NALF1: variants seen among roughly 807,000 people sequenced by gnomAD.
The protein encoded by NALF1 is NALCN channel auxiliary factor 1, also known as family with sequence similarity 155 member A.
NALF1 carries 3 observed loss-of-function variants against 48.4 expected under a neutral mutation model. The observed-to-expected ratio is 0.06, with a 90% CI of 0.03 to 0.16. The LOEUF is 0.16. Ranked by LOEUF, NALF1 falls within the 10% of genes least tolerant of loss-of-function variation. The probability of loss-of-function intolerance (pLI) is 1.00; values close to 1 mark genes in which losing one functional copy is unlikely to be tolerated. For synonymous variants in NALF1, 262 were observed against 245.7 expected, an observed-to-expected ratio of 1.07 and a Z score of -0.62; for missense variants, 526 against 571.5, an observed-to-expected ratio of 0.92 and a Z score of 0.81.
At chr13:107,816,029 A>T (rs1425415474) in intron 1 of NALF1, among the ~76,000 whole-genome samples, 1 of 152,162 alleles carries the variant, frequency 6.6e-6, no homozygotes, top group African/African-American at 2.4e-5. Context: ...TTTCTTACGG[A>T]CAGAGAAAAA....
intron 1 of NALF1, among the ~76,000 whole-genome samples, chr13:107,492,036 T>TTG (rs1566364242): frequency 8.9e-6 from 1 of 111,732 alleles, no homozygotes; most frequent in East Asian, 2.6e-4. Context: ...GTCTGGGTTT[T>TTG]TTTTTGTTTT....
At chr13:107,560,171 T>A (rs961677561) in intron 1 of NALF1, among the ~76,000 whole-genome samples, 8 of 152,116 alleles carry the variant, frequency 5.3e-5, no homozygotes, top group African/African-American at 1.9e-4. Flanking sequence ...CAAACAGAGA[T>A]AATCGAATTC....
rs138542415 is a variant in NALF1 at position 107,383,083 on chromosome 13, T to C, written c.916-172328A>G. On this transcript the variant is annotated intron_variant, in intron 1 of 2. Transcript: ENST00000375915. ...GGGTTTAAATACTGCAAGTTAGTAG[T>C]TGGGTACAGTTTGAATATTTTATGA... Among the ~76,000 whole-genome samples, 579 of 152,290 alleles carry C rather than the reference T, an allele frequency of 3.8e-3. 3 individuals are homozygous for C. Among genetic ancestry groups the C allele is most frequent in the African/African-American group, 0.013 (556 of 41,560 alleles).
chr13:107,387,574 A>AC (rs750001539), intron 1 of NALF1, among the ~76,000 whole-genome samples: 1 of 151,800 alleles, frequency 6.6e-6, no homozygotes, highest in Non-Finnish European at 1.5e-5. Context: ...ACAAAAATGA[A>AC]CCCCCACCTC....
intron 1 of NALF1, among the ~76,000 whole-genome samples, chr13:107,701,713 TTAAG>T (rs1881825597): frequency 6.6e-6 from 1 of 152,176 alleles, no homozygotes; most frequent in Admixed American, 6.5e-5. Flanking sequence ...GGTGTTTTTG[TTAAG>T]TAAGTAGATT....
intron 1 of NALF1, among the ~76,000 whole-genome samples, chr13:107,855,037 G>C (rs1358888411): frequency 6.6e-6 from 1 of 152,176 alleles, no homozygotes; most frequent in Non-Finnish European, 1.5e-5. Context: ...TAGAGAGCAG[G>C]CACAGTGGAG....
At chr13:107,647,549 A>T (rs138838934) in intron 1 of NALF1, among the ~76,000 whole-genome samples, 20 of 152,112 alleles carry the variant, frequency 1.3e-4, no homozygotes, top group Admixed American at 1.1e-3. Context: ...TAACAATCCC[A>T]TGAAACCTTA....
At chr13:107,514,387 G>A (rs1251415476) in intron 1 of NALF1, among the ~76,000 whole-genome samples, 2 of 151,988 alleles carry the variant, frequency 1.3e-5, no homozygotes, top group Non-Finnish European at 2.9e-5. Flanking sequence ...GTGTTTGGGT[G>A]GTTATTGGGC....
At chr13:107,755,926 T>C (rs1460022406) in intron 1 of NALF1, among the ~76,000 whole-genome samples, 1 of 152,172 alleles carries the variant, frequency 6.6e-6, no homozygotes, top group Non-Finnish European at 1.5e-5. Flanking sequence ...TTTAGATTTC[T>C]ACATGAAAGA....
At chr13:107,678,712 C>T (rs1881197239) in intron 1 of NALF1, among the ~76,000 whole-genome samples, 2 of 152,172 alleles carry the variant, frequency 1.3e-5, no homozygotes, top group African/African-American at 4.8e-5. Flanking sequence ...GGAAACAAGG[C>T]AACGTCTTCA....
chr13:107,304,597 G>T (rs1171918507), intron 1 of NALF1, among the ~76,000 whole-genome samples: 2 of 152,162 alleles, frequency 1.3e-5, no homozygotes, highest in East Asian at 3.9e-4. Context: ...ACCAGAAATT[G>T]TATTTTCTCA....
chr13:107,783,201 T>G (rs377323131), intron 1 of NALF1, among the ~76,000 whole-genome samples: 1 of 50,782 alleles, frequency 2.0e-5, no homozygotes, highest in African/African-American at 7.6e-5. Flanking sequence ...GGGGGGTCAG[T>G]CCCCCGCCCG....
intron 1 of NALF1, among the ~76,000 whole-genome samples, chr13:107,764,416 A>G (rs1376891219): frequency 6.6e-6 from 1 of 152,130 alleles, no homozygotes; most frequent in African/African-American, 2.4e-5. Context: ...GTGTGTATAT[A>G]TAACACTTAT....
chr13:107,351,516 G>A (rs1882872122), intron 1 of NALF1, among the ~76,000 whole-genome samples: 1 of 152,150 alleles, frequency 6.6e-6, no homozygotes, highest in Non-Finnish European at 1.5e-5. Flanking sequence ...GCTCCCGGAA[G>A]AACACTTGCC....
Position 107,303,358 on chromosome 13 carries a change from C to T in NALF1, c.916-92603G>A, listed in dbSNP as rs114937793. Reference sequence around the variant, plus strand: ...AGAGCAAGAGAAGAAACATATCAAGCGATATACAATGTATGTTTTATTTAC... The same window carrying T: ...AGAGCAAGAGAAGAAACATATCAAGTGATATACAATGTATGTTTTATTTAC... On this transcript the variant is annotated intron_variant, in intron 1 of 2. Transcript: ENST00000375915. 3.8e-3 allele frequency among the ~76,000 whole-genome samples: 584 copies of T among 152,038 alleles called. 3 individuals are homozygous for T. Among genetic ancestry groups the T allele is most frequent in the African/African-American group, 0.014 (564 of 41,492 alleles).
At chr13:107,764,890 C>A (rs1877379218) in intron 1 of NALF1, among the ~76,000 whole-genome samples, 1 of 152,116 alleles carries the variant, frequency 6.6e-6, no homozygotes, top group Admixed American at 6.6e-5. Context: ...TAATAAGTTT[C>A]CAGACATTGA....
intron 1 of NALF1, among the ~76,000 whole-genome samples, chr13:107,595,616 CT>C (rs1458225614): frequency 2.0e-5 from 3 of 152,004 alleles, no homozygotes; most frequent in Non-Finnish European, 4.4e-5. Flanking sequence ...CTAATGCATA[CT>C]TTCTAATTGC....
intron 1 of NALF1, among the ~76,000 whole-genome samples, chr13:107,595,725 T>A (rs140644460): frequency 2.6e-5 from 4 of 152,156 alleles, no homozygotes; most frequent in African/African-American, 9.7e-5. Context: ...TCTGTGACCA[T>A]GAGTGATGGA....
intron 1 of NALF1, among the ~76,000 whole-genome samples, chr13:107,565,796 G>T (rs1468815702): frequency 1.3e-5 from 2 of 152,120 alleles, no homozygotes; most frequent in Admixed American, 6.5e-5. Flanking sequence ...GATTGTTCTT[G>T]AATGTTATGA....
Sources: allele counts gnomAD v4.1 joint callset (sites outside exome capture counted in the v4.1 genomes callset), GRCh38; gene constraint gnomAD v4.1.1; transcripts MANE v1.5; gene names NCBI Gene and HGNC (gene_info 2026-07-23, HGNC 2026-07-21).